Variants in NKAIN2 observed in about 807,000 individuals in gnomAD.
NKAIN2 encodes sodium/potassium-transporting ATPase subunit beta-1-interacting protein 2.
Under a neutral mutation model 32.6 loss-of-function variants are expected in NKAIN2, and 14 were observed. The observed-to-expected ratio is 0.43, with a 90% CI of 0.28 to 0.67. The LOEUF is 0.67. Ranked by LOEUF, NKAIN2 falls within the 30% of genes least tolerant of loss-of-function variation. NKAIN2 has a pLI of 0.17. For synonymous variants in NKAIN2, 80 were observed against 87.2 expected (o/e 0.92, Z 0.46); for missense variants, 198 against 258.3 (o/e 0.77, Z 1.60).
chr6:123,900,430 G>A (rs9388289), intron 1 of NKAIN2, among the ~76,000 whole-genome samples: 42,867 of 150,230 alleles, frequency 0.29, 7,515 homozygotes, highest in East Asian at 0.5. Flanking sequence ...CCAAGATCGC[G>A]CCACTCTACT....
At chr6:124,495,557 G>A (rs1244649163) in intron 3 of NKAIN2, among the ~76,000 whole-genome samples, 7 of 152,096 alleles carry the variant, frequency 4.6e-5, no homozygotes, top group Middle Eastern at 3.2e-3. Flanking sequence ...TAGCTCCAGC[G>A]TGATGCCAAG....
chr6:124,647,528 A>C (rs988346012), intron 3 of NKAIN2, among the ~76,000 whole-genome samples: 3 of 143,408 alleles, frequency 2.1e-5, no homozygotes, highest in African/African-American at 7.6e-5. Context: ...AAAGACTTCA[A>C]GCAAATATAG....
At chr6:124,078,735 A>G (rs756646150) in intron 1 of NKAIN2, among the ~76,000 whole-genome samples, 3 of 151,226 alleles carry the variant, frequency 2.0e-5, no homozygotes, top group Non-Finnish European at 4.4e-5. Flanking sequence ...TAGGGTTTTT[A>G]TGTTACCTAA....
chr6:124,677,387 T>C (rs916867000), intron 4 of NKAIN2, among the ~76,000 whole-genome samples: 17 of 152,200 alleles, frequency 1.1e-4, no homozygotes, highest in African/African-American at 4.1e-4. Context: ...TTGTTAATTG[T>C]TTTCTCTTGG....
chr6:124,030,556 C>T (rs1269447443), intron 1 of NKAIN2, among the ~76,000 whole-genome samples: 1 of 152,090 alleles, frequency 6.6e-6, no homozygotes, highest in Non-Finnish European at 1.5e-5. Flanking sequence ...ATTGGATTTC[C>T]ATGGATGATT....
chr6:124,331,853 A>C (rs2115053264), intron 2 of NKAIN2, among the ~76,000 whole-genome samples: 1 of 152,314 alleles, frequency 6.6e-6, no homozygotes, highest in East Asian at 1.9e-4. Context: ...TTATTTCTGG[A>C]GCCAAATGAT....
intron 5 of NKAIN2, among the ~76,000 whole-genome samples, chr6:124,804,199 T>C (rs1562392414): frequency 6.6e-6 from 1 of 152,152 alleles, no homozygotes; most frequent in Non-Finnish European, 1.5e-5. Flanking sequence ...ATTATATTAT[T>C]AAAAGACTAC....
At chr6:124,756,088 C>G (rs1168831858) in intron 4 of NKAIN2, among the ~76,000 whole-genome samples, 1 of 152,080 alleles carries the variant, frequency 6.6e-6, no homozygotes, top group Admixed American at 6.6e-5. Flanking sequence ...TTTCCATGAA[C>G]TCATTTATGC....
At chr6:124,023,219 C>A (rs962618226) in intron 1 of NKAIN2, among the ~76,000 whole-genome samples, 1 of 151,666 alleles carries the variant, frequency 6.6e-6, no homozygotes, top group African/African-American at 2.4e-5. Context: ...CACACACACA[C>A]ACGCACACAC....
intron 1 of NKAIN2, among the ~76,000 whole-genome samples, chr6:124,138,216 C>T (rs1786928541): frequency 6.6e-6 from 1 of 151,866 alleles, no homozygotes; most frequent in Non-Finnish European, 1.5e-5. Context: ...ATACAAATGG[C>T]CAACAAACAT....
At chr6:124,111,876 A>C (rs943115183) in intron 1 of NKAIN2, among the ~76,000 whole-genome samples, 1 of 151,702 alleles carries the variant, frequency 6.6e-6, no homozygotes, top group Non-Finnish European at 1.5e-5. Flanking sequence ...TTACCTTGCT[A>C]CTTACATAAA....
chr6:124,780,872 G>A (rs541612486), intron 4 of NKAIN2, among the ~76,000 whole-genome samples: 10 of 152,210 alleles, frequency 6.6e-5, no homozygotes, highest in Admixed American at 2.0e-4. Flanking sequence ...ATGATGAGTC[G>A]GAACCACTGA....
At chr6:124,665,183 CA>C (rs1421748040) in intron 4 of NKAIN2, among the ~76,000 whole-genome samples, 8 of 151,914 alleles carry the variant, frequency 5.3e-5, no homozygotes, top group African/African-American at 1.9e-4. Context: ...CATATGGAAC[CA>C]CAAAACACCA....
At chr6:123,872,799 G>A (rs529043080) in intron 1 of NKAIN2, among the ~76,000 whole-genome samples, 1 of 152,238 alleles carries the variant, frequency 6.6e-6, no homozygotes, top group East Asian at 1.9e-4. Context: ...GTTTTTAAAT[G>A]CTTGATACAT....
At chr6:124,066,170 A>T (rs1217444691) in intron 1 of NKAIN2, among the ~76,000 whole-genome samples, 2 of 152,136 alleles carry the variant, frequency 1.3e-5, no homozygotes, top group Admixed American at 1.3e-4. Context: ...TATATAAAAT[A>T]TTTACCTCAT....
intron 1 of NKAIN2, among the ~76,000 whole-genome samples, chr6:123,812,717 T>C (rs982659783): frequency 6.6e-6 from 1 of 152,186 alleles, no homozygotes; most frequent in African/African-American, 2.4e-5. Context: ...CATCTCAGCC[T>C]ACATATTTGC....
At chr6:124,234,325 T>G (rs1162356679) in intron 1 of NKAIN2, among the ~76,000 whole-genome samples, 1 of 152,184 alleles carries the variant, frequency 6.6e-6, no homozygotes, top group East Asian at 1.9e-4. Flanking sequence ...ACATAAACTT[T>G]ATGAATAATC....
chr6:124,220,433 T>A (rs1192059083), intron 1 of NKAIN2, among the ~76,000 whole-genome samples: 13 of 147,372 alleles, frequency 8.8e-5, no homozygotes, highest in African/African-American at 3.0e-4. Context: ...TAACATCTTA[T>A]TGATGTATGC....
rs558964455 is a variant in NKAIN2, at chr6:124,758,229, C to T, written c.475-33110C>T. ...TCCCCCTTGACTTTCCTGTTACAAA[C>T]AGCTGTAGAACTCAATGTTTGCTTG... On this transcript the variant is annotated intron_variant, in intron 4 of 6. Transcript: ENST00000368417. Among the ~76,000 whole-genome samples the T allele has an allele frequency of 6.6e-5, 10 of 152,230 alleles. No individual in the cohort carries two copies. The South Asian group carries it at 2.1e-3, about 32-fold the overall frequency.
Sources: allele counts gnomAD v4.1 joint callset (sites outside exome capture counted in the v4.1 genomes callset), GRCh38; gene constraint gnomAD v4.1.1; transcripts MANE v1.5; gene names NCBI Gene and HGNC (gene_info 2026-07-23, HGNC 2026-07-21).